Variants in ADCK1 observed in about 807,000 individuals in gnomAD.
ADCK1 encodes aarF domain containing kinase 1, also known as aarF domain-containing protein kinase 1.
In ADCK1, 41 loss-of-function variants were observed where a neutral mutation model predicts 52.3. That is an observed-to-expected ratio of 0.78 (90% CI 0.61 to 1.02). The LOEUF (loss-of-function observed/expected upper bound fraction) is 1.02. Among genes scored for constraint, ADCK1 ranks in the 50% least tolerant of loss-of-function variants. The probability of loss-of-function intolerance (pLI) is 0.00; values close to 1 mark genes in which losing one functional copy is unlikely to be tolerated. For synonymous variants in ADCK1, 250 were observed against 274.6 expected, an observed-to-expected ratio of 0.91 and a Z score of 0.89; for missense variants, 658 against 679.5, an observed-to-expected ratio of 0.97 and a Z score of 0.35.
rs142463214 is a variant in ADCK1, at chr14:77,836,898, C to T, written c.219+14380C>T. The stretch of plus-strand genomic sequence containing the variant: ...AAGCGATTCCCCTGCCTCAGCCTCC[C>T]GAGTAGCTGGGATTACAGGTGCCTG... On this transcript the variant is annotated intron_variant, in intron 3 of 10. Coordinates refer to ENST00000238561, the MANE Select transcript of ADCK1 (RefSeq NM_020421.4). 1.2e-3 allele frequency among the ~76,000 whole-genome samples: 184 copies of T among 151,840 alleles called. 1 individual carries two copies. The highest frequency in any genetic ancestry group is 5.8e-3 in the East Asian group (30 of 5,162).
At chr14:77,821,327 A>G (rs755749469) in intron 2 of ADCK1, among the ~76,000 whole-genome samples, 43 of 152,160 alleles carry the variant, frequency 2.8e-4, no homozygotes, top group Non-Finnish European at 5.3e-4. Flanking sequence ...TTGTCTTTGA[A>G]CACTACTCAG....
intron 5 of ADCK1, among the ~76,000 whole-genome samples, chr14:77,889,593 A>G (rs904147958): frequency 1.3e-5 from 2 of 152,220 alleles, no homozygotes; most frequent in African/African-American, 2.4e-5. Context: ...GTATGCCAGT[A>G]TCCCTCAGTG....
chr14:77,901,133 C>T lies in ADCK1; in HGVS notation c.741+1875C>T, dbSNP rs1449754177. ...GATCTCAGCTCACTGCAGTCTCCGC[C>T]TCCTGGGTTCAAGTAATTCTCCTGT... On this transcript the variant is annotated intron_variant, in intron 6 of 10. Coordinates refer to ENST00000238561, the MANE Select transcript of ADCK1 (RefSeq NM_020421.4). Among the ~76,000 whole-genome samples, 4 of 151,768 alleles carry T rather than the reference C, an allele frequency of 2.6e-5. No individual in the cohort carries two copies. The East Asian group carries it at 7.7e-4, about 29-fold the overall frequency.
chr14:77,933,055 C>T (rs777978974), intron 10 of ADCK1, among the ~76,000 whole-genome samples, 165 bp from the exon 11 acceptor site: 4 of 152,146 alleles, frequency 2.6e-5, no homozygotes, highest in African/African-American at 7.2e-5. Context: ...CTCTGGCTCC[C>T]GATTGGGTAG....
intron 6 of ADCK1, among the ~76,000 whole-genome samples, chr14:77,903,130 T>A (rs2083584674): frequency 6.6e-6 from 1 of 152,230 alleles, no homozygotes; most frequent in Non-Finnish European, 1.5e-5. Flanking sequence ...ATTTTTCAAA[T>A]GAAGATGCCA....
At chr14:77,840,826 C>T (rs969598767) in intron 3 of ADCK1, among the ~76,000 whole-genome samples, 4 of 144,846 alleles carry the variant, frequency 2.8e-5, no homozygotes, top group South Asian at 2.3e-4. Context: ...CCAGCCTGGG[C>T]GACAGAGTGA....
chr14:77,819,566 C>T (rs1190795295), intron 2 of ADCK1, among the ~76,000 whole-genome samples: 1 of 152,178 alleles, frequency 6.6e-6, no homozygotes, highest in East Asian at 1.9e-4. Flanking sequence ...GGACTCATAC[C>T]CAGATGGTCT....
chr14:77,905,053 T>C (rs1218908125), intron 6 of ADCK1, among the ~76,000 whole-genome samples: 1 of 152,182 alleles, frequency 6.6e-6, no homozygotes, highest in African/African-American at 2.4e-5. Context: ...CCATGTTATG[T>C]CTGTCCAGGG....
chr14:77,819,757 T>G (rs561348517), intron 2 of ADCK1, among the ~76,000 whole-genome samples: 8 of 152,362 alleles, frequency 5.3e-5, no homozygotes, highest in Admixed American at 3.3e-4. Flanking sequence ...AATTGTCCCA[T>G]TGGTGGGTAG....
chr14:77,855,310 G>T (rs2082395001), intron 3 of ADCK1, among the ~76,000 whole-genome samples: 1 of 152,236 alleles, frequency 6.6e-6, no homozygotes, highest in African/African-American at 2.4e-5. Flanking sequence ...GATACCCCAT[G>T]TAATCTTCGT....
In ADCK1 at chr14:77,830,674, G is replaced by A. The variant is rs569824775; in HGVS notation, c.219+8156G>A. On this transcript the variant is annotated intron_variant, in intron 3 of 10. Transcript: ENST00000238561. The stretch of plus-strand genomic sequence containing the variant: ...CTTCTGTGTTGGACAGTGGGTAGAA[G>A]TGTGTGAACCTGCATGTTTATATGT... Among the ~76,000 whole-genome samples the A allele has an allele frequency of 1.8e-3, 249 of 141,882 alleles. 14 individuals carry two copies. The Middle Eastern group carries it at 0.021, about 12-fold the overall frequency. The allele number at this position is 141,882 out of a possible 152,430, so 93.1% of individuals were successfully genotyped here.
At chr14:77,892,638 G>GAA (rs11439066) in intron 5 of ADCK1, among the ~76,000 whole-genome samples, 8,018 of 126,520 alleles carry the variant, frequency 0.063, 374 homozygotes, top group South Asian at 0.16. Flanking sequence ...TTCTTTATCA[G>GAA]AAAAAAAAAA....
Position 77,887,190 on chromosome 14 carries a change from G to A in ADCK1, c.523G>A (p.Val175Met), listed in dbSNP as rs56314853. 76 of 1,610,140 alleles carry A rather than the reference G, an allele frequency of 4.7e-5. No homozygotes were observed. The South Asian group carries it at 4.8e-4, about 10-fold the overall frequency. ...GCTGCATGATGGGCGGACGGTGGCCGTGAAGGTCCAGCACCCAAAGGTGCG... is the reference window on the plus strand; with the variant it reads ...GCTGCATGATGGGCGGACGGTGGCCATGAAGGTCCAGCACCCAAAGGTGCG... Reference protein sequence around the residue: ...AVLHDGRTVAVKVQHPKVRAQ... With the variant: ...AVLHDGRTVAMKVQHPKVRAQ... Residue 175 changes from valine to methionine, a missense_variant, in exon 5 of 11, where the codon GTG becomes ATG. By Grantham distance (21) the Val-to-Met change is conservative. Coordinates refer to ENST00000238561, the MANE Select transcript of ADCK1 (RefSeq NM_020421.4).
At chr14:77,817,191 G>A (rs1462670877) in intron 1 of ADCK1, among the ~76,000 whole-genome samples, 1 of 152,198 alleles carries the variant, frequency 6.6e-6, no homozygotes, top group Non-Finnish European at 1.5e-5. Context: ...GCAGTGAGCC[G>A]AGATCGCGGC....
chr14:77,805,987 C>CTTTTT (rs530925697), intron 1 of ADCK1, among the ~76,000 whole-genome samples: 9 of 87,676 alleles, frequency 1.0e-4, no homozygotes, highest in African/African-American at 2.5e-4. Flanking sequence ...ATTCTTACGG[C>CTTTTT]TTTTTTTTTT....
At chr14:77,814,630 C>G (rs1036165031) in intron 1 of ADCK1, among the ~76,000 whole-genome samples, 1 of 127,148 alleles carries the variant, frequency 7.9e-6, no homozygotes, top group Non-Finnish European at 1.6e-5. Context: ...CCCAGGAGGT[C>G]AAGGCTGCAG....
intron 5 of ADCK1, among the ~76,000 whole-genome samples, chr14:77,889,375 G>A (rs953308438): frequency 2.0e-5 from 3 of 152,142 alleles, no homozygotes; most frequent in African/African-American, 7.2e-5. Context: ...TTGTTGTATT[G>A]TACTCACCTA....
At chr14:77,850,519 G>T (rs1454727873) in intron 3 of ADCK1, among the ~76,000 whole-genome samples, 1 of 152,070 alleles carries the variant, frequency 6.6e-6, no homozygotes, top group Non-Finnish European at 1.5e-5. Context: ...CCTCTTGATG[G>T]ATTGATCCCT....
At chr14:77,873,237 T>C (rs2082824880) in intron 4 of ADCK1, among the ~76,000 whole-genome samples, 1 of 152,190 alleles carries the variant, frequency 6.6e-6, no homozygotes. Context: ...GTTAAAACAA[T>C]AATGTTTAAT....
Sources: gnomAD v4.1 joint callset for allele counts (sites outside exome capture counted in the v4.1 genomes callset) on GRCh38, gnomAD v4.1.1 for gene constraint, MANE v1.5 for transcripts, NCBI Gene and HGNC (gene_info 2026-07-23, HGNC 2026-07-21) for gene names.